SGCZ: variants seen among roughly 807,000 people sequenced by gnomAD.
The protein encoded by SGCZ is zeta-sarcoglycan.
A neutral mutation model predicts 41.3 loss-of-function variants in SGCZ; 40 were observed. That is an observed-to-expected ratio of 0.97 (90% CI 0.75 to 1.26). SGCZ has a LOEUF of 1.26. Ranked by LOEUF, SGCZ falls within the 50% of genes most tolerant of loss-of-function variation. The pLI, the probability that SGCZ is intolerant of heterozygous loss-of-function variation, is 0.00. For synonymous variants in SGCZ, 206 were observed against 137.5 expected, an observed-to-expected ratio of 1.50 and a Z score of -3.49; for missense variants, 552 against 369.8, an observed-to-expected ratio of 1.49 and a Z score of -4.04.
At chr8:14,142,197 T>C (rs1413049349) in intron 5 of SGCZ, among the ~76,000 whole-genome samples, 1 of 152,028 alleles carries the variant, frequency 6.6e-6, no homozygotes, top group African/African-American at 2.4e-5. Context: ...GGGATAGCAC[T>C]GGGAGAAGTG....
chr8:14,304,723 T>C (rs778177437), intron 3 of SGCZ, among the ~76,000 whole-genome samples: 1 of 152,200 alleles, frequency 6.6e-6, no homozygotes, highest in Non-Finnish European at 1.5e-5. Flanking sequence ...GAAAAAGGGA[T>C]CAAAGTATTT....
chr8:14,800,258 C>A (rs1801280088), intron 1 of SGCZ, among the ~76,000 whole-genome samples: 1 of 151,918 alleles, frequency 6.6e-6, no homozygotes, highest in Admixed American at 6.6e-5. Context: ...TTTTAAATAC[C>A]AAAAAGACAT....
chr8:14,109,097 G>C (rs118157262), intron 5 of SGCZ, among the ~76,000 whole-genome samples: 2,745 of 152,266 alleles, frequency 0.018, 51 homozygotes, highest in Middle Eastern at 0.075. Context: ...CGAAAAGCTA[G>C]AGAACATGTC....
intron 3 of SGCZ, among the ~76,000 whole-genome samples, chr8:14,305,098 T>A (rs1456780294): frequency 6.6e-6 from 1 of 152,196 alleles, no homozygotes; most frequent in East Asian, 1.9e-4. Context: ...GTAAAGATGG[T>A]AGATAAAATA....
At chr8:14,910,395 T>G (rs777335676) in intron 1 of SGCZ, among the ~76,000 whole-genome samples, 5 of 152,058 alleles carry the variant, frequency 3.3e-5, no homozygotes, top group Non-Finnish European at 7.4e-5. Context: ...CTTAACTCAG[T>G]GTTTGTAGCA....
At chr8:14,374,159 C>T (rs1481217705) in intron 2 of SGCZ, among the ~76,000 whole-genome samples, 1 of 152,148 alleles carries the variant, frequency 6.6e-6, no homozygotes, top group Non-Finnish European at 1.5e-5. Flanking sequence ...AGGCCAATCA[C>T]TTGAGTCCAG....
At chr8:15,071,306 C>A (rs1380145601) in intron 1 of SGCZ, among the ~76,000 whole-genome samples, 1 of 152,216 alleles carries the variant, frequency 6.6e-6, no homozygotes, top group Non-Finnish European at 1.5e-5. Context: ...GAACAATTAG[C>A]ATATATTTCC....
chr8:14,691,479 C>T (rs190571900), intron 1 of SGCZ, among the ~76,000 whole-genome samples: 53 of 151,984 alleles, frequency 3.5e-4, no homozygotes, highest in African/African-American at 8.4e-4. Context: ...TTAATTATGT[C>T]GTCTAAGTAA....
chr8:14,399,967 G>C (rs774051290), intron 2 of SGCZ, among the ~76,000 whole-genome samples: 5 of 151,976 alleles, frequency 3.3e-5, no homozygotes, highest in Non-Finnish European at 7.4e-5. Context: ...CTCACAGAAA[G>C]CCTGTGCTCA....
intron 1 of SGCZ, among the ~76,000 whole-genome samples, chr8:14,861,215 C>G (rs530252771): frequency 2.0e-5 from 3 of 152,194 alleles, no homozygotes; most frequent in African/African-American, 7.2e-5. Context: ...AAGACTGTCA[C>G]ATCCATTCTT....
chr8:14,985,166 T>C (rs1199895998), intron 1 of SGCZ, among the ~76,000 whole-genome samples: 3 of 152,122 alleles, frequency 2.0e-5, no homozygotes, highest in Non-Finnish European at 4.4e-5. Context: ...CTTATTGTTG[T>C]CTCCCTTCTC....
chr8:14,618,683 T>C (rs1563157054), intron 1 of SGCZ, among the ~76,000 whole-genome samples: 3 of 152,128 alleles, frequency 2.0e-5, no homozygotes, highest in Admixed American at 6.6e-5. Context: ...AAGTTTTGTG[T>C]AGGAAGAATA....
chr8:14,473,539 C>T (rs1801270066), intron 2 of SGCZ, among the ~76,000 whole-genome samples: 1 of 152,054 alleles, frequency 6.6e-6, no homozygotes, highest in Non-Finnish European at 1.5e-5. Context: ...AATTTTGACC[C>T]AGAATTGTCA....
rs1170570671 is a variant in SGCZ at position 15,133,301 on chromosome 8, A to T, written c.39+104284T>A. On this transcript the variant is annotated intron_variant, in intron 1 of 7. Coordinates refer to ENST00000382080, the MANE Select transcript of SGCZ (RefSeq NM_139167.4). ...TTCTTCTTAGAGTTATAAATGTAAC[A>T]CAAGTATTAGCCACTTTGTAAGTCA... is the stretch of plus-strand genomic sequence containing the variant. Among the ~76,000 whole-genome samples the T allele has an allele frequency of 5.3e-5, 8 of 152,176 alleles. No individual in the cohort carries two copies. In the East Asian group the frequency reaches 1.5e-3, roughly 29 times the overall value.
chr8:14,930,778 A>G (rs1221158689), intron 1 of SGCZ, among the ~76,000 whole-genome samples: 1 of 151,982 alleles, frequency 6.6e-6, no homozygotes, highest in Non-Finnish European at 1.5e-5. Context: ...TAATTGAACA[A>G]TGAGAACACA....
intron 2 of SGCZ, among the ~76,000 whole-genome samples, chr8:14,547,451 G>C (rs908819957): frequency 1.3e-5 from 2 of 152,052 alleles, no homozygotes; most frequent in Non-Finnish European, 2.9e-5. Context: ...CACTAAATTA[G>C]AATTTCATAA....
intron 1 of SGCZ, among the ~76,000 whole-genome samples, chr8:14,778,863 G>A (rs1389251219): frequency 6.6e-6 from 1 of 152,184 alleles, no homozygotes; most frequent in Non-Finnish European, 1.5e-5. Context: ...GCACTTTACA[G>A]CATTCCTGGA....
chr8:14,176,321 C>G (rs1295059345), intron 4 of SGCZ, among the ~76,000 whole-genome samples: 1 of 152,142 alleles, frequency 6.6e-6, no homozygotes, highest in Non-Finnish European at 1.5e-5. Flanking sequence ...AACTTTTTAT[C>G]TGGCCACAGC....
intron 1 of SGCZ, among the ~76,000 whole-genome samples, chr8:15,087,655 T>C (rs1011466788): frequency 6.6e-6 from 1 of 152,178 alleles, no homozygotes; most frequent in Admixed American, 6.5e-5. Flanking sequence ...TTTAATAAGA[T>C]TGATTTTGTT....
Sources: gnomAD v4.1 joint callset for allele counts (sites outside exome capture counted in the v4.1 genomes callset) on GRCh38, gnomAD v4.1.1 for gene constraint, MANE v1.5 for transcripts, NCBI Gene and HGNC (gene_info 2026-07-23, HGNC 2026-07-21) for gene names.